Variants in SMCO4 observed in about 807,000 individuals in gnomAD.
SMCO4 encodes the protein single-pass membrane and coiled-coil domain-containing protein 4.
SMCO4 carries 4 observed loss-of-function variants against 3.6 expected under a neutral mutation model. That is an observed-to-expected ratio of 1.11 (90% CI 0.54 to 2.53). The LOEUF is 2.53. Ranked by LOEUF, SMCO4 falls within the 30% of genes most tolerant of loss-of-function variation. The probability of loss-of-function intolerance (pLI) is 0.02; values close to 1 mark genes in which losing one functional copy is unlikely to be tolerated. For missense variants in SMCO4, 70 were observed against 80.8 expected (o/e 0.87, Z 0.51); for synonymous variants, 36 against 35.3 (o/e 1.02, Z -0.07).
intron 1 of SMCO4, chr11:93,523,308 C>G (rs950671947): frequency 6.6e-6 from 1 of 151,600 alleles, no homozygotes; most frequent in African/African-American, 2.4e-5. Flanking sequence ...AGAGTGAGAC[C>G]CTGTCTCAAA....
chr11:93,527,270 G>A (rs898987770), intron 1 of SMCO4, among the ~76,000 whole-genome samples: 1 of 152,158 alleles, frequency 6.6e-6, no homozygotes, highest in East Asian at 1.9e-4. Flanking sequence ...AGGAACCTGG[G>A]ACCTTTCTGA....
chr11:93,532,094 C>T (rs1949168348), intron 1 of SMCO4, among the ~76,000 whole-genome samples: 1 of 152,162 alleles, frequency 6.6e-6, no homozygotes, highest in South Asian at 2.1e-4. Flanking sequence ...GAGGCTGTGT[C>T]ACAGGTGCAT....
chr11:93,492,298 G>A (rs959377139), intron 2 of SMCO4, among the ~76,000 whole-genome samples: 1 of 152,110 alleles, frequency 6.6e-6, no homozygotes, highest in Non-Finnish European at 1.5e-5. Context: ...GCCACAAGCT[G>A]ATTAACTGTT....
chr11:93,526,300 TA>T (rs34555224), intron 1 of SMCO4, among the ~76,000 whole-genome samples: 77 of 144,368 alleles, frequency 5.3e-4, no homozygotes, highest in African/African-American at 7.5e-4. Flanking sequence ...AAATATTTGC[TA>T]AAAAAAAAAA....
At chr11:93,512,988 C>T (rs1240855114) in intron 1 of SMCO4, among the ~76,000 whole-genome samples, 2 of 152,120 alleles carry the variant, frequency 1.3e-5, no homozygotes, top group Admixed American at 6.5e-5. Context: ...AGAGGATGGT[C>T]GGCAGGCCCG....
intron 2 of SMCO4, among the ~76,000 whole-genome samples, chr11:93,488,333 C>T (rs1440062000): frequency 6.6e-6 from 1 of 152,102 alleles, no homozygotes; most frequent in East Asian, 1.9e-4. Flanking sequence ...CAAGATGGGG[C>T]CACAGAAGGG....
In SMCO4 at chr11:93,537,443, T is replaced by C. The variant is rs528489890; in HGVS notation, c.-154+5833A>G. On this transcript the variant is annotated intron_variant, in intron 1 of 2. Transcript: ENST00000298966. Reference sequence around the variant, plus strand: ...AATGGAAAAAAGGGTGATAAATCAATGATATCCTGGCTAAATATATACTTC... The same window carrying C: ...AATGGAAAAAAGGGTGATAAATCAACGATATCCTGGCTAAATATATACTTC... 2.6e-5 allele frequency among the ~76,000 whole-genome samples: 4 copies of C among 152,340 alleles called. No homozygotes were observed. The South Asian group carries it at 8.3e-4, about 32-fold the overall frequency.
chr11:93,501,379 G>A (rs745865125), intron 1 of SMCO4, among the ~76,000 whole-genome samples: 1 of 152,232 alleles, frequency 6.6e-6, no homozygotes, highest in African/African-American at 2.4e-5. Context: ...TATTAATTCT[G>A]AAGGTCAGAA....
At chr11:93,494,171 A>G (rs1410297795) in intron 2 of SMCO4, among the ~76,000 whole-genome samples, 1 of 152,222 alleles carries the variant, frequency 6.6e-6, no homozygotes, top group East Asian at 1.9e-4. Context: ...CTTAGCAGGA[A>G]AAAATAATAT....
intron 1 of SMCO4, among the ~76,000 whole-genome samples, chr11:93,525,286 C>A (rs1341430483): frequency 6.6e-6 from 1 of 152,208 alleles, no homozygotes; most frequent in Non-Finnish European, 1.5e-5. Context: ...ATTCTCAGGT[C>A]TTTTCCTCTG....
intron 1 of SMCO4, among the ~76,000 whole-genome samples, chr11:93,514,409 T>TAG (rs1948988514): frequency 3.6e-5 from 1 of 27,424 alleles, no homozygotes; most frequent in Non-Finnish European, 1.0e-4. Context: ...TATATATATA[T>TAG]ATATATATAT....
chr11:93,497,795 C>T (rs1948792392), intron 2 of SMCO4, among the ~76,000 whole-genome samples: 3 of 152,220 alleles, frequency 2.0e-5, no homozygotes. Flanking sequence ...AGAAGAAAAT[C>T]TGCCGACGTG....
intron 2 of SMCO4, among the ~76,000 whole-genome samples, chr11:93,492,738 C>T (rs1014006708): frequency 1.3e-5 from 2 of 152,118 alleles, no homozygotes; most frequent in African/African-American, 4.8e-5. Context: ...GGGGCCAGGG[C>T]GACCAGAGCA....
intron 1 of SMCO4, among the ~76,000 whole-genome samples, chr11:93,522,903 A>T (rs984117221): frequency 6.6e-5 from 10 of 152,220 alleles, no homozygotes; most frequent in Non-Finnish European, 2.9e-5. Flanking sequence ...TAAGAGGGCT[A>T]TCAACTCCAG....
chr11:93,496,248 TG>T (rs1260568388), intron 2 of SMCO4, among the ~76,000 whole-genome samples: 2 of 152,080 alleles, frequency 1.3e-5, no homozygotes, highest in South Asian at 4.2e-4. Context: ...GGCTTGGACT[TG>T]GGGGGCGGAT....
chr11:93,494,986 C>A (rs997766490), intron 2 of SMCO4, among the ~76,000 whole-genome samples: 1 of 152,132 alleles, frequency 6.6e-6, no homozygotes, highest in Non-Finnish European at 1.5e-5. Context: ...ACAGCAGCGA[C>A]CCTCCTCAGT....
intron 1 of SMCO4, among the ~76,000 whole-genome samples, chr11:93,515,225 G>C (rs986926945): frequency 6.6e-6 from 1 of 152,158 alleles, no homozygotes; most frequent in African/African-American, 2.4e-5. Context: ...TTAAAAAGTG[G>C]AGCGCGTTAT....
In SMCO4 at chr11:93,479,246, T is replaced by G; in HGVS notation, c.-57A>C. The G allele has an allele frequency of 6.3e-7, 1 of 1,576,466 alleles. No homozygotes were observed. Among genetic ancestry groups the G allele is most frequent in the Non-Finnish European group, 8.6e-7 (1 of 1,159,074 alleles). On this transcript the variant is annotated 5_prime_UTR_variant, in exon 3 of 3. Coordinates refer to ENST00000298966, the MANE Select transcript of SMCO4 (RefSeq NM_020179.3). ...AGAGGGATTCCAGGAAGGGCCACAC[T>G]CCTCTTGCCAAGGCTGGAACCTCCT...
chr11:93,506,075 A>T (rs1048117570), intron 1 of SMCO4, among the ~76,000 whole-genome samples: 1 of 152,116 alleles, frequency 6.6e-6, no homozygotes, highest in Non-Finnish European at 1.5e-5. Flanking sequence ...ACACATACAC[A>T]CCTATACATG....
Sources: allele counts gnomAD v4.1 joint callset (sites outside exome capture counted in the v4.1 genomes callset), GRCh38; gene constraint gnomAD v4.1.1; transcripts MANE v1.5; gene names NCBI Gene and HGNC (gene_info 2026-07-23, HGNC 2026-07-21).